The following TNS3 variants were observed in gnomAD, a reference collection of about 807,000 sequenced individuals.
TNS3 encodes the protein tensin-3.
TNS3 carries 45 observed loss-of-function variants against 140.9 expected under a neutral mutation model. That is an observed-to-expected ratio of 0.32 (90% CI 0.25 to 0.41). TNS3 has a LOEUF of 0.41. TNS3 is among the 10% of genes least tolerant of loss of function. The probability of loss-of-function intolerance (pLI) is 1.00; values close to 1 mark genes in which losing one functional copy is unlikely to be tolerated. For synonymous variants in TNS3, 815 were observed against 788.4 expected (o/e 1.03, Z -0.56); for missense variants, 1,716 against 1,906.7 (o/e 0.90, Z 1.86).
chr7:47,293,697 T>C, intron 25 of TNS3, 36 bp downstream of exon 25: 2 of 1,592,574 alleles, frequency 1.3e-6, no homozygotes, highest in Non-Finnish European at 1.7e-6. Flanking sequence ...GCCTCATGAG[T>C]TCAGAACATT....
Position 47,369,415 on chromosome 7 carries a change from G to A in TNS3, c.1231C>T (p.Pro411Ser). The stretch of plus-strand genomic sequence containing the variant: ...GCACTCAGGCCCCTCCTGGTTCCTG[G>A]GGCCAGGCGCTCTTCCGTCTTATCC... ...RTDKTEERLAPGTRRGLSAQE... is the reference protein window; with the variant it reads ...RTDKTEERLASGTRRGLSAQE... Residue 411 changes from proline to serine, a missense_variant, in exon 17 of 31, where the codon CCA becomes TCA. Physicochemically the swap from Pro to Ser is moderately conservative, Grantham distance 74. Coordinates refer to ENST00000311160, the MANE Select transcript of TNS3 (RefSeq NM_022748.12). The A allele has an allele frequency of 6.2e-7, 1 of 1,614,076 alleles. No individual in the cohort carries two copies. Among genetic ancestry groups the A allele is most frequent in the Non-Finnish European group, 8.5e-7 (1 of 1,180,018 alleles).
intron 13 of TNS3, chr7:47,405,423 A>ATT: frequency 1.5e-6 from 1 of 686,192 alleles, no homozygotes; most frequent in South Asian, 1.6e-5. Flanking sequence ...TTACAACCGC[A>ATT]TATTTGGAGG....
At chr7:47,307,507 C>T (rs1287788912) in intron 20 of TNS3, among the ~76,000 whole-genome samples, 1 of 152,166 alleles carries the variant, frequency 6.6e-6, no homozygotes, top group East Asian at 1.9e-4. Flanking sequence ...ATGGCTGGAC[C>T]ATATGGTAAG....
chr7:47,425,149 G>A (rs1036210655), intron 9 of TNS3, among the ~76,000 whole-genome samples: 11 of 152,236 alleles, frequency 7.2e-5, no homozygotes, highest in African/African-American at 2.6e-4. Context: ...TGAAATCCCA[G>A]CTCTACTGAA....
chr7:47,504,146 T>G (rs552661028), intron 3 of TNS3, among the ~76,000 whole-genome samples: 53 of 152,308 alleles, frequency 3.5e-4, no homozygotes, highest in African/African-American at 1.2e-3. Flanking sequence ...CTGAGCTGCA[T>G]GGCCTGGCCT....
chr7:47,521,984 C>G (rs1798995240), intron 2 of TNS3, among the ~76,000 whole-genome samples: 1 of 152,136 alleles, frequency 6.6e-6, no homozygotes, highest in African/African-American at 2.4e-5. Context: ...AATGGGAGGT[C>G]TGCACGGCGA....
At chr7:47,301,928 C>G (rs894354481) in intron 23 of TNS3, among the ~76,000 whole-genome samples, 1 of 152,228 alleles carries the variant, frequency 6.6e-6, no homozygotes, top group African/African-American at 2.4e-5. Context: ...AGAAATTACA[C>G]CCTACACACT....
intron 21 of TNS3, among the ~76,000 whole-genome samples, chr7:47,304,429 A>C (rs892535477): frequency 6.6e-6 from 1 of 152,196 alleles, no homozygotes. Flanking sequence ...ACAAAGCATA[A>C]AGAAACTTAT....
intron 1 of TNS3, chr7:47,539,218 C>T: frequency 9.0e-6 from 4 of 446,730 alleles, no homozygotes; most frequent in Non-Finnish European, 1.8e-5. Flanking sequence ...GAGCACAGGC[C>T]AGCCCACTGC....
At chr7:47,499,421 C>G (rs1046284605) in intron 3 of TNS3, among the ~76,000 whole-genome samples, 2 of 152,126 alleles carry the variant, frequency 1.3e-5, no homozygotes, top group Admixed American at 1.3e-4. Flanking sequence ...GTTCTTCTGA[C>G]AGTAGTGACA....
rs117786266 is a variant in TNS3, at chr7:47,412,675, T to C, written c.648-873A>G. On this transcript the variant is annotated intron_variant, in intron 12 of 30. Coordinates refer to ENST00000311160, the MANE Select transcript of TNS3 (RefSeq NM_022748.12). Reference sequence around the variant, plus strand: ...AAACCATAGTAGTGAGATCCTATCGTAGGACTCTCTCCAGTAGGCTCACAG... The same window carrying C: ...AAACCATAGTAGTGAGATCCTATCGCAGGACTCTCTCCAGTAGGCTCACAG... Among the ~76,000 whole-genome samples, 845 of 152,320 alleles carry C rather than the reference T, an allele frequency of 5.5e-3. 5 individuals are homozygous for C. Among genetic ancestry groups the C allele is most frequent in the Non-Finnish European group, 8.8e-3 (600 of 68,034 alleles).
chr7:47,310,554 A>G (rs1241212601), intron 20 of TNS3, among the ~76,000 whole-genome samples: 4 of 152,222 alleles, frequency 2.6e-5, no homozygotes, highest in Non-Finnish European at 5.9e-5. Flanking sequence ...TTGTAAAAAA[A>G]TGATCATCAA....
chr7:47,292,531 G>GA, intron 26 of TNS3, among the ~76,000 whole-genome samples: 1 of 152,300 alleles, frequency 6.6e-6, no homozygotes, highest in East Asian at 1.9e-4. Context: ...CAATGACCCT[G>GA]AAGCCTTCTT....
intron 17 of TNS3, among the ~76,000 whole-genome samples, chr7:47,358,310 G>T (rs971110085): frequency 6.6e-6 from 1 of 152,130 alleles, no homozygotes; most frequent in South Asian, 2.1e-4. Context: ...GCTAATTTTT[G>T]TATTTTTTAG....
At chr7:47,515,356 T>C (rs961180474) in intron 2 of TNS3, among the ~76,000 whole-genome samples, 2 of 152,132 alleles carry the variant, frequency 1.3e-5, no homozygotes, top group African/African-American at 4.8e-5. Flanking sequence ...ATCAGCATCA[T>C]CATCACAATC....
chr7:47,375,176 AG>A (rs773210238), intron 16 of TNS3, among the ~76,000 whole-genome samples: 3 of 152,218 alleles, frequency 2.0e-5, no homozygotes, highest in Non-Finnish European at 4.4e-5. Context: ...AGTAACTTGC[AG>A]GGATGCCATA....
At chr7:47,477,943 C>T (rs1018146653) in intron 4 of TNS3, among the ~76,000 whole-genome samples, 1 of 152,138 alleles carries the variant, frequency 6.6e-6, no homozygotes, top group Non-Finnish European at 1.5e-5. Flanking sequence ...GTCCATCCTT[C>T]CATTTACTCC....
chr7:47,443,499 A>G (rs1795572354), intron 4 of TNS3, among the ~76,000 whole-genome samples: 1 of 152,232 alleles, frequency 6.6e-6, no homozygotes, highest in Non-Finnish European at 1.5e-5. Flanking sequence ...GACAGCTACA[A>G]AACAGAAGAC....
intron 1 of TNS3, among the ~76,000 whole-genome samples, chr7:47,556,006 A>G (rs554377672): frequency 1.6e-4 from 24 of 152,340 alleles, no homozygotes; most frequent in African/African-American, 4.8e-4. Flanking sequence ...GCATGCATGC[A>G]TGCACGGTAT....
Sources: gnomAD v4.1 joint callset for allele counts (sites outside exome capture counted in the v4.1 genomes callset) on GRCh38, gnomAD v4.1.1 for gene constraint, MANE v1.5 for transcripts, NCBI Gene and HGNC (gene_info 2026-07-23, HGNC 2026-07-21) for gene names.